Variants in NEDD1 observed in about 807,000 individuals in gnomAD.
The protein encoded by NEDD1 is protein NEDD1.
A neutral mutation model predicts 74.0 loss-of-function variants in NEDD1; 33 were observed. That is an observed-to-expected ratio of 0.45 (90% CI 0.34 to 0.60). NEDD1 has a LOEUF of 0.60. Ranked by LOEUF, NEDD1 falls within the 20% of genes least tolerant of loss-of-function variation. NEDD1 has a pLI of 0.01. For synonymous variants in NEDD1, 250 were observed against 264.4 expected, an observed-to-expected ratio of 0.95 and a Z score of 0.53; for missense variants, 746 against 776.5, an observed-to-expected ratio of 0.96 and a Z score of 0.47.
chr12:96,950,619 A>G (rs988566434), intron 14 of NEDD1, among the ~76,000 whole-genome samples: 2 of 151,968 alleles, frequency 1.3e-5, no homozygotes, highest in African/African-American at 4.8e-5. Flanking sequence ...GTAATGCTCA[A>G]AAACATGCAC....
At chr12:96,912,381 T>A (rs1449085305) in intron 3 of NEDD1, among the ~76,000 whole-genome samples, 1 of 152,140 alleles carries the variant, frequency 6.6e-6, no homozygotes, top group Non-Finnish European at 1.5e-5. Context: ...AAAGGTTGAT[T>A]GATATTTGCT....
At chr12:96,931,764 C>A (rs1313621533) in intron 6 of NEDD1, among the ~76,000 whole-genome samples, 1 of 151,866 alleles carries the variant, frequency 6.6e-6, no homozygotes, top group African/African-American at 2.4e-5. Flanking sequence ...AAGTATGATT[C>A]CAGGTTTTCT....
Position 96,935,190 on chromosome 12 carries a change from A to C in NEDD1, c.704A>C (p.Asp235Ala). The change falls in exon 7 of 16, where the codon GAC (aspartate) becomes GCC (alanine). Residue 235 changes from aspartate to alanine, a missense_variant. Transcript: ENST00000266742. ...IGLDKRIILY[D>A]TSSKKLVKTL... The stretch of plus-strand genomic sequence containing the variant: ...TTGGATAAAAGAATCATCCTCTATG[A>C]CACTTCAAGTAAGAAGTAAGTGTGA... The C allele has an allele frequency of 4.4e-6, 7 of 1,575,786 alleles. No homozygotes were observed. The East Asian group carries it at 1.6e-4, about 35-fold the overall frequency.
chr12:96,936,925 G>A, intron 8 of NEDD1, 113 bp downstream of exon 8: 1 of 637,088 alleles, frequency 1.6e-6, no homozygotes, highest in Non-Finnish European at 2.6e-6. Context: ...ATTACATAAT[G>A]ATTTTACATG....
intron 6 of NEDD1, among the ~76,000 whole-genome samples, chr12:96,926,612 T>G (rs771739939): frequency 2.6e-5 from 4 of 152,072 alleles, no homozygotes; most frequent in Non-Finnish European, 5.9e-5. Context: ...TTTATCTGAT[T>G]GTGGCCCAAA....
chr12:96,928,186 C>G (rs892867625), intron 6 of NEDD1, among the ~76,000 whole-genome samples: 1 of 152,108 alleles, frequency 6.6e-6, no homozygotes, highest in Non-Finnish European at 1.5e-5. Context: ...TAGTTATACT[C>G]ATTCTGTTTG....
chr12:96,924,848 G>T (rs1875522330), intron 6 of NEDD1: 1 of 453,728 alleles, frequency 2.2e-6, no homozygotes, highest in Non-Finnish European at 4.4e-6. Flanking sequence ...CCAATCCAGT[G>T]TTGAATAGAA....
chr12:96,924,432 C>T (rs563531768), intron 6 of NEDD1, among the ~76,000 whole-genome samples: 21 of 152,286 alleles, frequency 1.4e-4, no homozygotes, highest in African/African-American at 4.6e-4. Flanking sequence ...AATATTGATT[C>T]TTTCATGAAC....
At position 96,952,005 on chromosome 12, in the gene NEDD1, A is replaced by C; in HGVS notation, c.1935A>C (p.Glu645Asp). 4.4e-6 allele frequency: 7 copies of C among 1,607,304 alleles called. No individual in the cohort carries two copies. The highest frequency in any genetic ancestry group is 6.0e-6 in the Non-Finnish European group (7 of 1,174,980). ...RYSVNEGLVA[E>D]IERLREENKR... ...CAGTGAATGAAGGTTTAGTGGCTGA[A>C]ATTGAAAGACTACGAGAAGAAAACA... is the stretch of plus-strand genomic sequence containing the variant. The change falls in exon 16 of 16, where the codon GAA becomes GAC. Residue 645 changes from glutamate to aspartate, a missense_variant. Physicochemically the swap from Glu to Asp is conservative, Grantham distance 45. Coordinates refer to ENST00000266742, the MANE Select transcript of NEDD1 (RefSeq NM_152905.4).
At chr12:96,916,152 A>G (rs1460176686) in intron 4 of NEDD1, among the ~76,000 whole-genome samples, 1 of 151,800 alleles carries the variant, frequency 6.6e-6, no homozygotes, top group Non-Finnish European at 1.5e-5. Flanking sequence ...CAGATGAGGT[A>G]GGGCCCAAAT....
Position 96,943,461 on chromosome 12 carries a change from A to G in NEDD1, c.1295-99A>G, listed in dbSNP as rs1423086211. On this transcript the variant is annotated intron_variant, in intron 11 of 15. Coordinates refer to ENST00000266742, the MANE Select transcript of NEDD1 (RefSeq NM_152905.4). ...ACCAGTCTTCAGAATGCAGATCCAT[A>G]TCTTCTTCCATGTTAATCTGCCTAT... 30 of 771,756 alleles carry G rather than the reference A, an allele frequency of 3.9e-5. No individual in the cohort carries two copies. In the Admixed American group the frequency reaches 4.6e-4, roughly 12 times the overall value. The allele number at this position is 771,756 out of a possible 1,614,324, so 47.8% of individuals were successfully genotyped here. A position where few individuals can be genotyped will look rare whatever the true frequency, so the allele number is the denominator to read the frequency against.
chr12:96,948,739 G>T (rs1290473570), intron 14 of NEDD1, among the ~76,000 whole-genome samples: 2 of 152,168 alleles, frequency 1.3e-5, no homozygotes, highest in Non-Finnish European at 2.9e-5. Context: ...GCACTAGTTT[G>T]TTTCCAGTTT....
Position 96,909,900 on chromosome 12 carries a change from C to A in NEDD1, c.136+5C>A. ...CAATATGTTGGAGCAGCAATAGTAT[C>A]CTTTAAAAAAAAAAAACACACACAC... On this transcript the variant is annotated splice_donor_5th_base_variant and intron_variant, in intron 3 of 15. Coordinates refer to ENST00000266742, the MANE Select transcript of NEDD1 (RefSeq NM_152905.4). 1 of 1,569,506 alleles carries A rather than the reference C, an allele frequency of 6.4e-7. No homozygotes were observed. Among genetic ancestry groups the A allele is most frequent in the Admixed American group, 1.9e-5 (1 of 52,954 alleles).
At chr12:96,908,855 G>A (rs769886477) in intron 2 of NEDD1, among the ~76,000 whole-genome samples, 12 of 152,142 alleles carry the variant, frequency 7.9e-5, no homozygotes, top group Non-Finnish European at 1.6e-4. Flanking sequence ...CTGGTGTGGG[G>A]AGACAGACAT....
chr12:96,941,439 A>G (rs1877651605), intron 10 of NEDD1, among the ~76,000 whole-genome samples: 1 of 152,038 alleles, frequency 6.6e-6, no homozygotes, highest in Non-Finnish European at 1.5e-5. Flanking sequence ...TGGCCTGCAA[A>G]TTTCTATTTA....
At chr12:96,917,928 A>T (rs1302132557) in intron 5 of NEDD1, among the ~76,000 whole-genome samples, 191 bp downstream of exon 5, 1 of 152,122 alleles carries the variant, frequency 6.6e-6, no homozygotes, top group Non-Finnish European at 1.5e-5. Flanking sequence ...TTACATGTGT[A>T]GCATTAATGC....
chr12:96,907,421 C>T (rs1873432570), intron 1 of NEDD1, 121 bp downstream of exon 1: 1 of 533,974 alleles, frequency 1.9e-6, no homozygotes, highest in Non-Finnish European at 3.3e-6. Flanking sequence ...GGGCTTTGCG[C>T]GCCCGGAGCG....
intron 6 of NEDD1, among the ~76,000 whole-genome samples, chr12:96,930,217 T>TCC (rs1876292260): frequency 4.8e-4 from 66 of 138,756 alleles, no homozygotes; most frequent in African/African-American, 1.9e-3. Context: ...ACACACTCTC[T>TCC]CTCTCTCTCT....
chr12:96,935,352 C>A (rs1279403041), intron 7 of NEDD1, 147 bp downstream of exon 7: 2 of 605,702 alleles, frequency 3.3e-6, no homozygotes, highest in Non-Finnish European at 5.9e-6. Flanking sequence ...AAAGAATTTT[C>A]TTCTTATGCA....
Sources: gnomAD v4.1 joint callset for allele counts (sites outside exome capture counted in the v4.1 genomes callset) on GRCh38, gnomAD v4.1.1 for gene constraint, MANE v1.5 for transcripts, NCBI Gene and HGNC (gene_info 2026-07-23, HGNC 2026-07-21) for gene names.